WWP1: variants seen among roughly 807,000 people sequenced by gnomAD.
The protein encoded by WWP1 is NEDD4-like E3 ubiquitin-protein ligase WWP1.
WWP1 carries 49 observed loss-of-function variants against 130.6 expected under a neutral mutation model. That is an observed-to-expected ratio of 0.38 (90% confidence interval 0.30 to 0.48). The LOEUF (loss-of-function observed/expected upper bound fraction) is 0.48. Among genes scored for constraint, WWP1 ranks in the 20% least tolerant of loss-of-function variants. WWP1 has a pLI of 0.99. For synonymous variants in WWP1, 332 were observed against 367.8 expected, an observed-to-expected ratio of 0.90 and a Z score of 1.11; for missense variants, 809 against 1,100.6, an observed-to-expected ratio of 0.74 and a Z score of 3.75.
At chr8:86,405,326 ATTTTTT>A (rs35346142) in intron 8 of WWP1, among the ~76,000 whole-genome samples, 6 of 128,910 alleles carry the variant, frequency 4.7e-5, no homozygotes, top group Non-Finnish European at 6.6e-5. Flanking sequence ...AACCAAAAGG[ATTTTTT>A]TTTTTTTTTT....
chr8:86,380,904 A>C, intron 4 of WWP1, 40 bp downstream of exon 4: 1 of 1,537,986 alleles, frequency 6.5e-7, no homozygotes, highest in Non-Finnish European at 8.7e-7. Flanking sequence ...CTTCACAAGA[A>C]AGTGTATTTT....
At chr8:86,461,200 A>G in intron 22 of WWP1, 24 bp from the exon 23 acceptor site, 3 of 1,584,058 alleles carry the variant, frequency 1.9e-6, no homozygotes, top group East Asian at 4.5e-5. Context: ...ATTTCATATT[A>G]AAGTACATTT....
In WWP1 at chr8:86,381,523, T is replaced by A; in HGVS notation, c.228T>A (p.Thr76=). Residue 76 remains threonine (T), a synonymous_variant, in exon 5 of 25, where the codon ACT becomes ACA. Transcript: ENST00000517970. ...EQLTVNVTPQ[T]TLEFQVWSHR... ...CTTCCAGAAATGTTACGCCACAGAC[T>A]ACATTGGAATTTCAAGTTTGGAGCC... 1 of 1,608,922 alleles carries A rather than the reference T, an allele frequency of 6.2e-7. No individual in the cohort carries two copies.
At chr8:86,464,591 C>T (rs1181290941) in intron 24 of WWP1, among the ~76,000 whole-genome samples, 1 of 152,132 alleles carries the variant, frequency 6.6e-6, no homozygotes, top group Non-Finnish European at 1.5e-5. Flanking sequence ...ACACAACTCA[C>T]TGCAGCCTCA....
intron 5 of WWP1, among the ~76,000 whole-genome samples, chr8:86,392,964 C>T (rs1228375508): frequency 6.6e-6 from 1 of 152,138 alleles, no homozygotes; most frequent in Non-Finnish European, 1.5e-5. Flanking sequence ...TAGCGTATGA[C>T]AGCACCCATT....
intron 24 of WWP1, among the ~76,000 whole-genome samples, chr8:86,465,472 A>G (rs1470670360): frequency 6.6e-6 from 1 of 152,102 alleles, no homozygotes; most frequent in Non-Finnish European, 1.5e-5. Flanking sequence ...AAAAAAATAC[A>G]AAAGTTAGCT....
At chr8:86,347,178 GGT>G (rs1270906966) in intron 1 of WWP1, among the ~76,000 whole-genome samples, 1 of 151,910 alleles carries the variant, frequency 6.6e-6, no homozygotes, top group African/African-American at 2.4e-5. Context: ...ATAGAGATGG[GGT>G]CTTGCTGTGT....
intron 11 of WWP1, among the ~76,000 whole-genome samples, chr8:86,428,615 TAGTA>T (rs1213454936): frequency 1.3e-5 from 2 of 152,138 alleles, no homozygotes; most frequent in African/African-American, 4.8e-5. Flanking sequence ...AGAGGTTAAA[TAGTA>T]AGTTCTCATT....
intron 2 of WWP1, among the ~76,000 whole-genome samples, chr8:86,371,186 C>T (rs746967181): frequency 2.6e-5 from 4 of 151,842 alleles, no homozygotes; most frequent in Non-Finnish European, 5.9e-5. Flanking sequence ...CATGAGCCAC[C>T]GCCCCTACCT....
intron 9 of WWP1, among the ~76,000 whole-genome samples, chr8:86,423,386 T>A (rs1809343927): frequency 6.6e-6 from 1 of 152,176 alleles, no homozygotes; most frequent in Non-Finnish European, 1.5e-5. Context: ...CCACAGTGTT[T>A]GTGTCCCTGG....
chr8:86,413,374 C>T (rs1216921358), intron 9 of WWP1, among the ~76,000 whole-genome samples: 4 of 152,018 alleles, frequency 2.6e-5, no homozygotes, highest in African/African-American at 9.7e-5. Context: ...TCAAGAACCT[C>T]ATCGTCTAAG....
chr8:86,370,302 A>G (rs974262850), intron 2 of WWP1, among the ~76,000 whole-genome samples: 10 of 152,224 alleles, frequency 6.6e-5, no homozygotes, highest in Non-Finnish European at 1.5e-5. Context: ...ATAGACAGAA[A>G]TATCTCAGTA....
chr8:86,378,586 C>T (rs1227080069), intron 3 of WWP1, among the ~76,000 whole-genome samples: 1 of 152,072 alleles, frequency 6.6e-6, no homozygotes, highest in Non-Finnish European at 1.5e-5. Flanking sequence ...TCTATATATT[C>T]TACTAACTAG....
intron 1 of WWP1, among the ~76,000 whole-genome samples, chr8:86,355,531 GAA>G (rs1382982898): frequency 6.6e-6 from 1 of 152,144 alleles, no homozygotes; most frequent in Non-Finnish European, 1.5e-5. Context: ...ATTACTTATG[GAA>G]ATGTTTGTGT....
intron 16 of WWP1, 62 bp downstream of exon 16, chr8:86,435,766 A>G: frequency 6.5e-7 from 1 of 1,533,606 alleles, no homozygotes; most frequent in Non-Finnish European, 8.9e-7. Flanking sequence ...GCATCTAAAG[A>G]AAGTCAGGGT....
In WWP1 at chr8:86,400,364, A is replaced by G. The variant is rs184648535; in HGVS notation, c.540-1655A>G. ...AAAAAAATAAATAAATAAAGATAGT[A>G]AACAACAGAAGACATAAATATGCTA... is the stretch of plus-strand genomic sequence containing the variant. On this transcript the variant is annotated intron_variant, in intron 7 of 24. Coordinates refer to ENST00000517970, the MANE Select transcript of WWP1 (RefSeq NM_007013.4). 5.9e-5 allele frequency among the ~76,000 whole-genome samples: 9 copies of G among 152,226 alleles called. No individual in the cohort carries two copies. In the East Asian group the frequency reaches 1.5e-3, roughly 26 times the overall value.
chr8:86,445,787 C>G, intron 18 of WWP1, among the ~76,000 whole-genome samples: 1 of 151,708 alleles, frequency 6.6e-6, no homozygotes, highest in Non-Finnish European at 1.5e-5. Context: ...GTATATGTCT[C>G]TTTTTTTTCT....
chr8:86,458,691 TTAAC>T (rs1811587960), intron 22 of WWP1, among the ~76,000 whole-genome samples: 1 of 152,220 alleles, frequency 6.6e-6, no homozygotes, highest in African/African-American at 2.4e-5. Flanking sequence ...TTACTTCTGC[TTAAC>T]TGTTTCATTT....
chr8:86,468,242 T>TAA lies in WWP1; in HGVS notation c.*1350_*1351dup, dbSNP rs1170384990. 2 of 348,442 alleles carry TAA rather than the reference T, an allele frequency of 5.7e-6. No individual in the cohort carries two copies. The highest frequency in any genetic ancestry group is 2.2e-5 in the African/African-American group (1 of 46,168). The allele number at this position is 348,442 out of a possible 1,614,324, so 21.6% of individuals were successfully genotyped here. A position where few individuals can be genotyped will look rare whatever the true frequency, so the allele number is the denominator to read the frequency against. ...CTGTTGCCTATAAATATTTCACTGC[T>TAA]AAGTACATACAGAAAAACAGTAATT... On this transcript the variant is annotated 3_prime_UTR_variant, in exon 25 of 25. Coordinates refer to ENST00000517970, the MANE Select transcript of WWP1 (RefSeq NM_007013.4).
Sources: gnomAD v4.1 joint callset for allele counts (sites outside exome capture counted in the v4.1 genomes callset) on GRCh38, gnomAD v4.1.1 for gene constraint, MANE v1.5 for transcripts, NCBI Gene and HGNC (gene_info 2026-07-23, HGNC 2026-07-21) for gene names.